The following PDE1C variants were observed in gnomAD, a reference collection of about 807,000 sequenced individuals.
PDE1C encodes dual specificity calcium/calmodulin-dependent 3',5'-cyclic nucleotide phosphodiesterase 1C.
In PDE1C, 62 loss-of-function variants were observed where a neutral mutation model predicts 93.1. The ratio of observed to expected loss-of-function variants is 0.67; its 90% CI spans 0.54 to 0.82. The LOEUF is 0.82. Ranked by LOEUF, PDE1C falls within the 40% of genes least tolerant of loss-of-function variation. The probability of loss-of-function intolerance (pLI) is 0.00; values close to 1 mark genes in which losing one functional copy is unlikely to be tolerated. For missense variants in PDE1C, 742 were observed against 884.6 expected, an observed-to-expected ratio of 0.84 and a Z score of 2.04; for synonymous variants, 325 against 310.1, an observed-to-expected ratio of 1.05 and a Z score of -0.50.
chr7:31,928,607 G>GA (rs767531599), intron 2 of PDE1C, among the ~76,000 whole-genome samples: 2 of 152,150 alleles, frequency 1.3e-5, no homozygotes, highest in Non-Finnish European at 2.9e-5. Context: ...CTACAACCCA[G>GA]AAGAGAGTGG....
intron 1 of PDE1C, among the ~76,000 whole-genome samples, chr7:32,290,823 A>G (rs1055060496): frequency 5.9e-5 from 9 of 152,242 alleles, no homozygotes; most frequent in Non-Finnish European, 1.0e-4. Context: ...CATTACCCAA[A>G]GACACAAAAG....
In PDE1C at chr7:31,961,011, G is replaced by A. The variant is rs560110367; in HGVS notation, c.129-80151C>T. On this transcript the variant is annotated intron_variant, in intron 2 of 17. Transcript: ENST00000396191. The stretch of plus-strand genomic sequence containing the variant: ...TCAATTTGGCCTAACAAATTGACAC[G>A]TTCTGTCTGCCACCCTCTAAAGAAA... Among the ~76,000 whole-genome samples the A allele has an allele frequency of 2.1e-4, 32 of 152,144 alleles. 1 individual carries two copies. In the South Asian group the frequency reaches 4.4e-3, roughly 21 times the overall value.
At chr7:32,353,538 G>T (rs1783970352) in intron 1 of PDE1C, among the ~76,000 whole-genome samples, 1 of 141,516 alleles carries the variant, frequency 7.1e-6, no homozygotes, top group African/African-American at 2.6e-5. Flanking sequence ...TAGTCTACAG[G>T]TATTGCCTGT....
chr7:31,632,694 GTCC>G, the PDE1C span, among the ~76,000 whole-genome samples: 15 of 152,196 alleles, frequency 9.9e-5, no homozygotes, highest in African/African-American at 3.4e-4. Context: ...GAAAAGAGCA[GTCC>G]TCCTCGTTTC....
chr7:32,390,070 TAAAATATTC>T (rs1784721654), intron 1 of PDE1C, among the ~76,000 whole-genome samples: 6 of 152,164 alleles, frequency 3.9e-5, no homozygotes, highest in Admixed American at 1.3e-4. Context: ...TAAGTTAACA[TAAAATATTC>T]TATAAATATA....
At chr7:31,702,553 T>A in the PDE1C span, among the ~76,000 whole-genome samples, 1 of 152,200 alleles carries the variant, frequency 6.6e-6, no homozygotes, top group Non-Finnish European at 1.5e-5. Flanking sequence ...CCAAAATGAC[T>A]CTTTTCTATT....
intron 9 of PDE1C, among the ~76,000 whole-genome samples, chr7:31,843,214 A>G (rs1005658533): frequency 6.6e-6 from 1 of 151,998 alleles, no homozygotes; most frequent in African/African-American, 2.4e-5. Context: ...TAATTAAGGC[A>G]AAGTGGCTGA....
chr7:31,718,000 A>G, the PDE1C span, among the ~76,000 whole-genome samples: 1 of 152,090 alleles, frequency 6.6e-6, no homozygotes, highest in Non-Finnish European at 1.5e-5. Context: ...TAATACAAGG[A>G]TATGAGAGTA....
At chr7:32,276,200 T>C (rs2128889758) in intron 1 of PDE1C, among the ~76,000 whole-genome samples, 1 of 152,332 alleles carries the variant, frequency 6.6e-6, no homozygotes, top group South Asian at 2.1e-4. Flanking sequence ...ATTTTCACTA[T>C]AACTCTAAGA....
chr7:32,148,030 C>G (rs1801016039), intron 3 of PDE1C, among the ~76,000 whole-genome samples: 2 of 126,652 alleles, frequency 1.6e-5, no homozygotes, highest in Non-Finnish European at 3.3e-5. Context: ...ATAACTATAT[C>G]TTGCTTTCAA....
chr7:31,629,967 T>C, the PDE1C span, among the ~76,000 whole-genome samples: 1 of 152,052 alleles, frequency 6.6e-6, no homozygotes, highest in East Asian at 1.9e-4. Flanking sequence ...ATAAATATCA[T>C]GAATATTTTT....
At chr7:31,656,557 C>T in the PDE1C span, 2 of 804,040 alleles carry the variant, frequency 2.5e-6, no homozygotes, top group Non-Finnish European at 3.0e-6. Context: ...TTTATGCACA[C>T]AGAATATTAC....
intron 15 of PDE1C, among the ~76,000 whole-genome samples, chr7:31,812,133 A>G (rs907608716): frequency 5.9e-5 from 9 of 152,136 alleles, no homozygotes; most frequent in Non-Finnish European, 1.0e-4. Flanking sequence ...CCGAACCACC[A>G]TTAGGCTTTC....
At chr7:32,070,750 A>G, upstream of PDE1C, 3 of 1,076,780 alleles carry the variant, frequency 2.8e-6, no homozygotes, top group Non-Finnish European at 3.4e-6. Context: ...AAACAAAGCC[A>G]CAGAAGCGAT....
At chr7:32,177,846 C>A (rs1562551246) in intron 2 of PDE1C, among the ~76,000 whole-genome samples, 1 of 152,132 alleles carries the variant, frequency 6.6e-6, no homozygotes, top group African/African-American at 2.4e-5. Flanking sequence ...GATCTGTTGG[C>A]CTTACTGTAT....
chr7:32,145,365 G>A (rs12701177), intron 3 of PDE1C, among the ~76,000 whole-genome samples: 3,334 of 152,206 alleles, frequency 0.022, 57 homozygotes, highest in Non-Finnish European at 0.034. Context: ...TAGCTGACAC[G>A]TTCCAGACCA....
chr7:32,226,887 C>A (rs1429251873), intron 1 of PDE1C, among the ~76,000 whole-genome samples: 1 of 152,200 alleles, frequency 6.6e-6, no homozygotes, highest in Non-Finnish European at 1.5e-5. Flanking sequence ...GCCAACACTG[C>A]AGCTCTGGGG....
chr7:31,857,218 TA>T (rs1794134257), intron 7 of PDE1C, among the ~76,000 whole-genome samples: 1 of 152,188 alleles, frequency 6.6e-6, no homozygotes, highest in Non-Finnish European at 1.5e-5. Context: ...TTCTATGAAT[TA>T]GAGATTTATC....
At chr7:32,174,493 C>G (rs1052312415) in intron 2 of PDE1C, among the ~76,000 whole-genome samples, 1 of 151,808 alleles carries the variant, frequency 6.6e-6, no homozygotes, top group African/African-American at 2.4e-5. Flanking sequence ...TGGTCTAAAG[C>G]ATGAGACGCT....
Sources: allele counts gnomAD v4.1 joint callset (sites outside exome capture counted in the v4.1 genomes callset), GRCh38; gene constraint gnomAD v4.1.1; transcripts MANE v1.5; gene names NCBI Gene and HGNC (gene_info 2026-07-23, HGNC 2026-07-21).